Variants in DHX38 observed in about 807,000 individuals in gnomAD.
DHX38 encodes the protein DEAH-box helicase 38, also known as pre-mRNA-splicing factor ATP-dependent RNA helicase PRP16.
Under a neutral mutation model 153.1 loss-of-function variants are expected in DHX38, and 100 were observed. That is an observed-to-expected ratio of 0.65 (90% CI 0.56 to 0.77). The LOEUF (loss-of-function observed/expected upper bound fraction) is 0.77. Ranked by LOEUF, DHX38 falls within the 30% of genes least tolerant of loss-of-function variation. DHX38 has a pLI of 0.00. For missense variants in DHX38, 1,440 were observed against 1,654.0 expected (o/e 0.87, Z 2.24); for synonymous variants, 650 against 631.7 (o/e 1.03, Z -0.43).
Position 72,105,349 on chromosome 16 carries a change from G to A in DHX38, c.2379+1G>A. Reference sequence around the variant, plus strand: ...CCTCCAGGCCAAAATCTTCCAGAAGGTGTGTCAGCAGGAATGTCCAGGAGT... The same window carrying A: ...CCTCCAGGCCAAAATCTTCCAGAAGATGTGTCAGCAGGAATGTCCAGGAGT... On this transcript the variant is annotated splice_donor_variant, in intron 17 of 26. Transcript: ENST00000268482. LOFTEE classifies it high-confidence loss of function. 1 of 1,614,084 alleles carries A rather than the reference G, an allele frequency of 6.2e-7. No homozygotes were observed. Among genetic ancestry groups the A allele is most frequent in the Non-Finnish European group, 8.5e-7 (1 of 1,179,948 alleles).
At position 72,096,286 on chromosome 16, in the gene DHX38, T is replaced by C. The variant is rs754370041; in HGVS notation, c.129T>C (p.Ala43=). The C allele has an allele frequency of 3.1e-6, 5 of 1,614,038 alleles. No homozygotes were observed. In the South Asian group the frequency reaches 3.3e-5, roughly 11 times the overall value. The part of the protein sequence containing the change: ...ASEQHVFKAP[A]PRPSLLGLDL... Reference sequence around the variant, plus strand: ...AGCAGCATGTCTTCAAGGCTCCTGCTCCCCGCCCTTCATTACTCGGACTGG... The same window carrying C: ...AGCAGCATGTCTTCAAGGCTCCTGCCCCCCGCCCTTCATTACTCGGACTGG... The change falls in exon 2 of 27, where the codon GCT becomes GCC. Residue 43 remains alanine (A), a synonymous_variant. Coordinates refer to ENST00000268482, the MANE Select transcript of DHX38 (RefSeq NM_014003.4).
At chr16:72,096,741 A>T (rs1321366141) in intron 2 of DHX38, 81 bp from the exon 3 acceptor site, 8 of 1,521,444 alleles carry the variant, frequency 5.3e-6, no homozygotes, top group Middle Eastern at 2.5e-4. Context: ...AGGACAGATC[A>T]CTTGTTTGGA....
intron 25 of DHX38, chr16:72,109,739 A>G: frequency 2.7e-6 from 1 of 376,916 alleles, no homozygotes; most frequent in Non-Finnish European, 4.7e-6. Flanking sequence ...AAAAGTCCAA[A>G]TATTCATGAA....
In DHX38 at chr16:72,107,797, A is replaced by C. The variant is rs761157556; in HGVS notation, c.2962A>C (p.Lys988Gln). 1.2e-6 allele frequency: 2 copies of C among 1,612,898 alleles called. No individual in the cohort carries two copies. The highest frequency in any genetic ancestry group is 1.7e-6 in the Non-Finnish European group (2 of 1,179,744). Residue 988 changes from lysine to glutamine, a missense_variant and splice_region_variant, in exon 21 of 27, where the codon AAG (lysine) becomes CAG (glutamine). Physicochemically the swap from Lys to Gln is moderately conservative, Grantham distance 53. This residue lies in a region of DHX38 where 543 missense variants were observed against 717.9 expected (regional missense o/e 0.76). Transcript: ENST00000268482. This position sits in a 1 kb window ranked among gnomAD's most constrained non-coding sequence, Gnocchi z 5.3. ...GGTCCCAGCCATCTTCTACAGGCCC[A>C]AGGTGGGGCAGCGGCTGGCTCCCCT... ...LSVPAIFYRPKGREEESDQIR... is the reference protein window; with the variant it reads ...LSVPAIFYRPQGREEESDQIR...
rs779488493 is a variant in DHX38, at chr16:72,100,521, A to G, written c.1202A>G (p.Asn401Ser). ...LEVDEDFEED[N>S]AAKVHLMVHN... ...GTGGATGAGGACTTTGAAGAGGACA[A>G]CGCGGCCAAGGTGCATCTGATGGTG... The change falls in exon 9 of 27, where the codon AAC becomes AGC. Residue 401 changes from asparagine to serine, a missense_variant. Around this residue, in one of 6 missense-constraint regions of DHX38, gnomAD observed 77 missense variants for 125.4 expected, o/e 0.61. Coordinates refer to ENST00000268482, the MANE Select transcript of DHX38 (RefSeq NM_014003.4). The G allele has an allele frequency of 4.3e-6, 7 of 1,614,156 alleles. No individual in the cohort carries two copies. The highest frequency in any genetic ancestry group is 4.5e-5 in the East Asian group (2 of 44,868).
chr16:72,096,475 A>G lies in DHX38; in HGVS notation c.318A>G (p.Lys106=). The G allele has an allele frequency of 6.2e-7, 1 of 1,611,562 alleles. No individual in the cohort carries two copies. Among genetic ancestry groups the G allele is most frequent in the Non-Finnish European group, 8.5e-7 (1 of 1,179,116 alleles). Residue 106 remains lysine (K), a synonymous_variant, in exon 2 of 27, where the codon AAA becomes AAG. Transcript: ENST00000268482. ...ACCAGGCTGGCCAAAATATCCGGAA[A>G]GACAGGTAAAGGCCTTAGTATGGGT... is the stretch of plus-strand genomic sequence containing the variant. ...GGDQAGQNIR[K]DRHYRSARVE...
chr16:72,109,432 G>C lies in DHX38; in HGVS notation c.3399G>C (p.Val1133=). 1 of 1,613,320 alleles carries C rather than the reference G, an allele frequency of 6.2e-7. No individual in the cohort carries two copies. The highest frequency in any genetic ancestry group is 8.5e-7 in the Non-Finnish European group (1 of 1,179,784). ...VMTTKEYMQC[V]TAVDGEWLAE... ...GCCCGCAGGAGTATATGCAGTGTGT[G>C]ACCGCTGTGGACGGGGAGTGGCTGG... The change falls in exon 25 of 27, where the codon GTG becomes GTC. Residue 1133 remains valine (V), a synonymous_variant. Coordinates refer to ENST00000268482, the MANE Select transcript of DHX38 (RefSeq NM_014003.4).
In DHX38 at chr16:72,107,797, A is replaced by G; in HGVS notation, c.2962A>G (p.Lys988Glu). The change falls in exon 21 of 27, where the codon AAG (lysine) becomes GAG (glutamate). Residue 988 changes from lysine to glutamate, a missense_variant and splice_region_variant. Coordinates refer to ENST00000268482, the MANE Select transcript of DHX38 (RefSeq NM_014003.4). This position sits in a 1 kb window ranked among gnomAD's most constrained non-coding sequence, Gnocchi z 5.3. ...GGTCCCAGCCATCTTCTACAGGCCC[A>G]AGGTGGGGCAGCGGCTGGCTCCCCT... ...LSVPAIFYRPKGREEESDQIR... is the reference protein window; with the variant it reads ...LSVPAIFYRPEGREEESDQIR... The G allele has an allele frequency of 6.2e-7, 1 of 1,613,016 alleles. No homozygotes were observed. The highest frequency in any genetic ancestry group is 8.5e-7 in the Non-Finnish European group (1 of 1,179,736).
Position 72,103,774 on chromosome 16 carries a change from A to C in DHX38, c.1810A>C (p.Asn604His), listed in dbSNP as rs745472031. 3.7e-6 allele frequency: 6 copies of C among 1,611,020 alleles called. No homozygotes were observed. Among genetic ancestry groups the C allele is most frequent in the Non-Finnish European group, 5.1e-6 (6 of 1,177,344 alleles). The change falls in exon 13 of 27, where the codon AAC (asparagine) becomes CAC (histidine). Residue 604 changes from asparagine to histidine, a missense_variant. Physicochemically the swap from Asn to His is moderately conservative, Grantham distance 68. Transcript: ENST00000268482. ...AKRVSEEMGG[N>H]LGEEVGYAIR... ...GAGAGTCAGTGAAGAGATGGGGGGA[A>C]ACCTTGGCGAGGAGGTGAGTGGGCG...
At chr16:72,099,162 C>G (rs2042062765) in intron 6 of DHX38, 42 bp from the exon 7 acceptor site, 3 of 1,595,260 alleles carry the variant, frequency 1.9e-6, no homozygotes, top group Non-Finnish European at 2.6e-6. Flanking sequence ...CCGCTGGGGA[C>G]AGGCCAGGGC....
intron 9 of DHX38, among the ~76,000 whole-genome samples, chr16:72,100,820 G>A (rs1256479951): frequency 2.6e-5 from 4 of 152,296 alleles, no homozygotes; most frequent in East Asian, 1.9e-4. Flanking sequence ...TCAGCTACTC[G>A]GGAGGCTGAG....
At position 72,096,316 on chromosome 16, in the gene DHX38, G is replaced by T; in HGVS notation, c.159G>T (p.Leu53Phe). Residue 53 changes from leucine to phenylalanine, a missense_variant, in exon 2 of 27, where the codon TTG (leucine) becomes TTT (phenylalanine). Physicochemically the swap from Leu to Phe is conservative, Grantham distance 22. Around this residue, in one of 6 missense-constraint regions of DHX38, gnomAD observed 483 missense variants for 465.1 expected, o/e 1.04. Transcript: ENST00000268482. ...GCCCTTCATTACTCGGACTGGACTTGCTGGCTTCCCTGAAACGGAGAGAGC... is the reference window on the plus strand; with the variant it reads ...GCCCTTCATTACTCGGACTGGACTTTCTGGCTTCCCTGAAACGGAGAGAGC... The part of the protein sequence containing the change: ...APRPSLLGLD[L>F]LASLKRRERE... 1 of 1,614,212 alleles carries T rather than the reference G, an allele frequency of 6.2e-7. No homozygotes were observed. The highest frequency in any genetic ancestry group is 8.5e-7 in the Non-Finnish European group (1 of 1,180,024).
intron 3 of DHX38, 143 bp downstream of exon 3, chr16:72,097,152 C>A: frequency 1.1e-6 from 1 of 881,122 alleles, no homozygotes; most frequent in Non-Finnish European, 1.7e-6. Flanking sequence ...TTTGACCCTG[C>A]TGGGATTGGG....
At chr16:72,101,411 G>A (rs1334997519) in intron 10 of DHX38, 89 bp from the exon 11 acceptor site, 7 of 1,344,984 alleles carry the variant, frequency 5.2e-6, no homozygotes, top group African/African-American at 1.4e-5. Flanking sequence ...TACCACCTGC[G>A]GGGTGAAGTC....
At position 72,112,799 on chromosome 16, in the gene DHX38, G is replaced by C. The variant is rs770983690; in HGVS notation, c.*302G>C. 5 of 702,722 alleles carry C rather than the reference G, an allele frequency of 7.1e-6. No individual in the cohort carries two copies. In the South Asian group the frequency reaches 7.4e-5, roughly 10 times the overall value. The allele number at this position is 702,722 out of a possible 1,614,324, so 43.5% of individuals were successfully genotyped here. The stretch of plus-strand genomic sequence containing the variant: ...AGGACACTTGGTGTATGCGTGACTT[G>C]GCTGTGGCTGTCTTTTTTAATCCTT... On this transcript the variant is annotated 3_prime_UTR_variant, in exon 27 of 27. Transcript: ENST00000268482.
chr16:72,107,806 C>A lies in DHX38; in HGVS notation c.2964+7C>A. 6.2e-7 allele frequency: 1 copy of A among 1,612,152 alleles called. No homozygotes were observed. The highest frequency in any genetic ancestry group is 8.5e-7 in the Non-Finnish European group (1 of 1,179,438). On this transcript the variant is annotated splice_region_variant and intron_variant, in intron 21 of 26. Coordinates refer to ENST00000268482, the MANE Select transcript of DHX38 (RefSeq NM_014003.4). The surrounding 1 kb of genome is among the most constrained non-coding windows in gnomAD (Gnocchi z 5.3). ...CATCTTCTACAGGCCCAAGGTGGGG[C>A]AGCGGCTGGCTCCCCTCTCCCCGGA... is the stretch of plus-strand genomic sequence containing the variant.
chr16:72,109,625 A>G (rs1597449466), intron 25 of DHX38, 115 bp downstream of exon 25: 1 of 963,596 alleles, frequency 1.0e-6, no homozygotes. Context: ...CTGCAAACAT[A>G]AAGGCTGTGA....
At chr16:72,100,673 G>C (rs1360421544) in intron 9 of DHX38, 76 bp downstream of exon 9, 1 of 1,565,404 alleles carries the variant, frequency 6.4e-7, no homozygotes, top group Non-Finnish European at 8.7e-7. Context: ...GCTCATGCCT[G>C]TCATCCCGGC....
In DHX38 at chr16:72,096,162, G is replaced by C. The variant is rs1398547672; in HGVS notation, c.5G>C (p.Gly2Ala). 3 of 1,595,518 alleles carry C rather than the reference G, an allele frequency of 1.9e-6. No individual in the cohort carries two copies. The East Asian group carries it at 6.8e-5, about 36-fold the overall frequency. Reference protein sequence around the residue: MGDTSEDASIHR... With the variant: MADTSEDASIHR... ...AGAGAAATCCCAGATCCTGTGATGG[G>C]GGACACCAGTGAGGATGCCTCGATC... is the stretch of plus-strand genomic sequence containing the variant. Residue 2 changes from glycine to alanine, a missense_variant, in exon 2 of 27, where the codon GGG (glycine) becomes GCG (alanine). Physicochemically the swap from Gly to Ala is moderately conservative, Grantham distance 60. Coordinates refer to ENST00000268482, the MANE Select transcript of DHX38 (RefSeq NM_014003.4).
Sources: allele counts gnomAD v4.1 joint callset (sites outside exome capture counted in the v4.1 genomes callset), GRCh38; gene constraint gnomAD v4.1.1; regional missense constraint gnomAD v4.1.1; non-coding constraint Gnocchi (gnomAD v3.1); transcripts MANE v1.5; gene names NCBI Gene and HGNC (gene_info 2026-07-23, HGNC 2026-07-21).